Variants in COX15 observed in about 807,000 individuals in gnomAD.
COX15 encodes the protein cytochrome c oxidase assembly factor COX15, also known as heme A synthase COX15.
COX15 carries 51 observed loss-of-function variants against 51.9 expected under a neutral mutation model. The observed-to-expected ratio is 0.98, with a 90% CI of 0.78 to 1.24. COX15 has a LOEUF of 1.24. Ranked by LOEUF, COX15 falls within the 50% of genes most tolerant of loss-of-function variation. COX15 has a pLI of 0.00. For missense variants in COX15, 420 were observed against 501.1 expected, an observed-to-expected ratio of 0.84 and a Z score of 1.55; for synonymous variants, 188 against 190.5, an observed-to-expected ratio of 0.99 and a Z score of 0.11.
the COX15 span, chr10:99,698,436 A>G: frequency 8.5e-7 from 1 of 1,170,440 alleles, no homozygotes; most frequent in East Asian, 2.4e-5. Flanking sequence ...CATGAAAACC[A>G]GTAGTAAGAT....
Position 99,712,575 on chromosome 10 carries a change from G to A in COX15, c.*2012C>T, listed in dbSNP as rs2036429440. 1.0e-6 allele frequency: 1 copy of A among 984,444 alleles called. No individual in the cohort carries two copies. Among genetic ancestry groups the A allele is most frequent in the African/African-American group, 1.7e-5 (1 of 57,210 alleles). 61.0% of individuals were successfully genotyped at this position (984,444 alleles called of 1,614,324 possible). A position where few individuals can be genotyped will look rare whatever the true frequency, so the allele number is the denominator to read the frequency against. Reference sequence around the variant, plus strand: ...TTTGTATTTGTATTGTCACTGTATGGAATCTAGGTATATCCAAGGAAAAAT... The same window carrying A: ...TTTGTATTTGTATTGTCACTGTATGAAATCTAGGTATATCCAAGGAAAAAT... On this transcript the variant is annotated 3_prime_UTR_variant, in exon 9 of 9. Transcript: ENST00000016171.
the COX15 span, chr10:99,696,173 A>G: frequency 6.3e-7 from 1 of 1,591,390 alleles, no homozygotes; most frequent in Non-Finnish European, 8.6e-7. Context: ...CAGGCTGCAG[A>G]TATTAGGGAG....
Position 99,713,086 on chromosome 10 carries a change from CA to C in COX15, c.*1500del. 2 of 1,203,956 alleles carry C rather than the reference CA, an allele frequency of 1.7e-6. No homozygotes were observed. The highest frequency in any genetic ancestry group is 1.0e-6 in the Non-Finnish European group (1 of 959,288). 74.6% of individuals were successfully genotyped at this position (1,203,956 alleles called of 1,614,324 possible). A position where few individuals can be genotyped will look rare whatever the true frequency, so the allele number is the denominator to read the frequency against. ...TAAATTTGGTACCCAGAGTGAAATG[CA>C]GTATGTTAGGGGTATTTTGACTATG... On this transcript the variant is annotated 3_prime_UTR_variant, in exon 9 of 9. Coordinates refer to ENST00000016171, the MANE Select transcript of COX15 (RefSeq NM_078470.6).
At chr10:99,709,676 A>G, downstream of COX15, 2 of 985,430 alleles carry the variant, frequency 2.0e-6, no homozygotes, top group South Asian at 4.7e-5. Flanking sequence ...TGGGTGTCCC[A>G]TCTACCCTGT....
At chr10:99,706,108 T>C (rs1260115635), downstream of COX15, 1 of 152,188 alleles carries the variant, frequency 6.6e-6, no homozygotes, top group African/African-American at 2.4e-5. Context: ...AAAAAGTCCC[T>C]GGCTTTAAAG....
chr10:99,714,219 A>G lies in COX15; in HGVS notation c.*368T>C. 2 of 1,092,732 alleles carry G rather than the reference A, an allele frequency of 1.8e-6. No homozygotes were observed. Among genetic ancestry groups the G allele is most frequent in the South Asian group, 2.6e-5 (1 of 38,374 alleles). The allele number at this position is 1,092,732 out of a possible 1,614,324, so 67.7% of individuals were successfully genotyped here. On this transcript the variant is annotated 3_prime_UTR_variant, in exon 9 of 9. Transcript: ENST00000016171. ...GAAGTTAAGATCATAAAGAAATTCTATTTAGGCAGAATTAAGGACTCAGGA... is the reference window on the plus strand; with the variant it reads ...GAAGTTAAGATCATAAAGAAATTCTGTTTAGGCAGAATTAAGGACTCAGGA...
chr10:99,712,701 C>T lies in COX15; in HGVS notation c.*1886G>A, dbSNP rs1182497031. ...GTAGAGTGGCAGCAACAGACCAGAA[C>T]TCAGCAGTATAGTCCGAGCTGGGGC... On this transcript the variant is annotated 3_prime_UTR_variant, in exon 9 of 9. Coordinates refer to ENST00000016171, the MANE Select transcript of COX15 (RefSeq NM_078470.6). 14 of 791,400 alleles carry T rather than the reference C, an allele frequency of 1.8e-5. No homozygotes were observed. Among genetic ancestry groups the T allele is most frequent in the Non-Finnish European group, 2.1e-5 (14 of 653,102 alleles). 49.0% of individuals were successfully genotyped at this position (791,400 alleles called of 1,614,324 possible).
intron 8 of COX15, among the ~76,000 whole-genome samples, chr10:99,715,434 C>T (rs1034905785): frequency 6.6e-6 from 1 of 152,150 alleles, no homozygotes; most frequent in Non-Finnish European, 1.5e-5. Context: ...CCACTGTGCC[C>T]GGCCCATAGT....
intron 4 of COX15, among the ~76,000 whole-genome samples, chr10:99,725,083 T>C (rs1432313520): frequency 2.0e-5 from 3 of 152,252 alleles, no homozygotes; most frequent in Admixed American, 1.3e-4. Flanking sequence ...ATGTTATGTA[T>C]CATATTCTAT....
chr10:99,709,040 T>C (rs527841129), downstream of COX15: 4 of 983,436 alleles, frequency 4.1e-6, no homozygotes, highest in African/African-American at 5.2e-5. Context: ...TCACTACATC[T>C]ATTCTTGTTC....
At chr10:99,731,928 C>T (rs761067193) in intron 1 of COX15, 32 bp downstream of exon 1, 2 of 1,589,332 alleles carry the variant, frequency 1.3e-6, no homozygotes, top group Non-Finnish European at 1.7e-6. Flanking sequence ...CATCCCCGCT[C>T]CCGCGACTCG....
At chr10:99,699,028 G>A in the COX15 span, among the ~76,000 whole-genome samples, 1 of 152,152 alleles carries the variant, frequency 6.6e-6, no homozygotes, top group Non-Finnish European at 1.5e-5. Context: ...GAGAACTTAA[G>A]GATCTAGCTA....
At chr10:99,722,163 G>A (rs540807651) in intron 5 of COX15, among the ~76,000 whole-genome samples, 4 of 152,232 alleles carry the variant, frequency 2.6e-5, no homozygotes, top group African/African-American at 9.6e-5. Flanking sequence ...ACCGTGCCCA[G>A]CCTTAATTAG....
Position 99,713,020 on chromosome 10 carries a change from CTT to C in COX15, c.*1565_*1566del. On this transcript the variant is annotated 3_prime_UTR_variant, in exon 9 of 9. Coordinates refer to ENST00000016171, the MANE Select transcript of COX15 (RefSeq NM_078470.6). ...GGTTCTGGACTCATCATTCTGATCT[CTT>C]CTTCTGGATACACACTTAGTGGCCA... 3.5e-6 allele frequency: 4 copies of C among 1,138,380 alleles called. No individual in the cohort carries two copies. Among genetic ancestry groups the C allele is most frequent in the Non-Finnish European group, 3.3e-6 (3 of 921,338 alleles). 70.5% of individuals were successfully genotyped at this position (1,138,380 alleles called of 1,614,324 possible).
In COX15 at chr10:99,713,124, TCTA is replaced by T; in HGVS notation, c.*1460_*1462del. The T allele has an allele frequency of 1.1e-5, 14 of 1,283,252 alleles. No homozygotes were observed. Among genetic ancestry groups the T allele is most frequent in the Non-Finnish European group, 1.4e-5 (14 of 1,006,398 alleles). 79.5% of individuals were successfully genotyped at this position (1,283,252 alleles called of 1,614,324 possible). ...GTATTTTGACTATGGCTGTGACACT[TCTA>T]CTGATAAAACCTGAAGTACCACTAA... On this transcript the variant is annotated 3_prime_UTR_variant, in exon 9 of 9. Coordinates refer to ENST00000016171, the MANE Select transcript of COX15 (RefSeq NM_078470.6).
In COX15 at chr10:99,711,730, TA is replaced by T. The variant is rs1431339071; in HGVS notation, c.*2856del. ...TAAGAGAGAAGTTGGGAATCTCTTC[TA>T]GGCAATAGCATAAGCCCAGCCAGGG... On this transcript the variant is annotated 3_prime_UTR_variant, in exon 9 of 9. Transcript: ENST00000016171. The T allele has an allele frequency of 1.0e-6, 1 of 985,338 alleles. No homozygotes were observed. The highest frequency in any genetic ancestry group is 1.7e-5 in the African/African-American group (1 of 57,240). 61.0% of individuals were successfully genotyped at this position (985,338 alleles called of 1,614,324 possible). A position where few individuals can be genotyped will look rare whatever the true frequency, so the allele number is the denominator to read the frequency against.
At position 99,713,529 on chromosome 10, in the gene COX15, ATTTG is replaced by A; in HGVS notation, c.*1054_*1057del. 1 of 1,579,144 alleles carries A rather than the reference ATTTG, an allele frequency of 6.3e-7. No homozygotes were observed. Among genetic ancestry groups the A allele is most frequent in the Non-Finnish European group, 8.6e-7 (1 of 1,161,416 alleles). On this transcript the variant is annotated 3_prime_UTR_variant, in exon 9 of 9. Transcript: ENST00000016171. ...AATCACATTAATTCAGCAGTCAACA[ATTTG>A]TTTATCTGGGTAGATGTCCATGCAC...
At chr10:99,710,006 A>T, downstream of COX15, 1 of 985,456 alleles carries the variant, frequency 1.0e-6, no homozygotes, top group South Asian at 4.7e-5. Flanking sequence ...TGAAAACCAA[A>T]GTTGAAAAGT....
chr10:99,716,523 A>C (rs1014319445), intron 7 of COX15, 62 bp from the exon 8 acceptor site: 15 of 1,147,442 alleles, frequency 1.3e-5, no homozygotes, highest in Non-Finnish European at 2.0e-5. Flanking sequence ...CTCACCTTAC[A>C]TGTATCTCCT....
Sources: allele counts gnomAD v4.1 joint callset (sites outside exome capture counted in the v4.1 genomes callset), GRCh38; gene constraint gnomAD v4.1.1; transcripts MANE v1.5; gene names NCBI Gene and HGNC (gene_info 2026-07-23, HGNC 2026-07-21).